The following ZC3HAV1 variants were observed in gnomAD, a reference collection of about 807,000 sequenced individuals.
ZC3HAV1 encodes the protein zinc finger CCCH-type containing, antiviral 1.
In ZC3HAV1, 41 loss-of-function variants were observed where a neutral mutation model predicts 86.6. That is an observed-to-expected ratio of 0.47 (90% confidence interval 0.37 to 0.61). ZC3HAV1 has a LOEUF of 0.61. Ranked by LOEUF, ZC3HAV1 falls within the 20% of genes least tolerant of loss-of-function variation. ZC3HAV1 has a pLI of 0.00. For synonymous variants in ZC3HAV1, 421 were observed against 432.1 expected (o/e 0.97, Z 0.32); for missense variants, 964 against 1,141.1 (o/e 0.84, Z 2.24).
chr7:139,072,436 C>T (rs567464566), intron 7 of ZC3HAV1, among the ~76,000 whole-genome samples: 1,659 of 152,284 alleles, frequency 0.011, 29 homozygotes, highest in African/African-American at 0.038. Flanking sequence ...TCCACCCCAC[C>T]TCGGCCTCCC....
chr7:139,064,771 G>A (rs1816547789), intron 8 of ZC3HAV1, 108 bp downstream of exon 8: 2 of 1,557,824 alleles, frequency 1.3e-6, no homozygotes, highest in South Asian at 2.3e-5. Flanking sequence ...GCTAAATCTT[G>A]ACCTTGACCC....
Position 139,079,647 on chromosome 7 carries a change from C to A in ZC3HAV1, c.1294G>T (p.Ala432Ser). 1.9e-6 allele frequency: 3 copies of A among 1,614,154 alleles called. No individual in the cohort carries two copies. Among genetic ancestry groups the A allele is most frequent in the Non-Finnish European group, 2.5e-6 (3 of 1,180,034 alleles). ...IQPGPLFNNN[A>S]DGVATDITST... Reference sequence around the variant, plus strand: ...GTTATATCTGTGGCCACTCCATCAGCATTATTATTAAAAAGAGGGCCAGGC... The same window carrying A: ...GTTATATCTGTGGCCACTCCATCAGAATTATTATTAAAAAGAGGGCCAGGC... The change falls in exon 4 of 13, where the codon GCT becomes TCT. Residue 432 changes from alanine to serine, a missense_variant. By Grantham distance (99) the Ala-to-Ser change is moderately conservative (BLOSUM62 1). Coordinates refer to ENST00000242351, the MANE Select transcript of ZC3HAV1 (RefSeq NM_020119.4).
chr7:139,073,128 T>G (rs1417300012), intron 7 of ZC3HAV1, among the ~76,000 whole-genome samples: 3 of 151,970 alleles, frequency 2.0e-5, no homozygotes, highest in Non-Finnish European at 4.4e-5. Flanking sequence ...AAACCCCATG[T>G]CTACTAAAAA....
At chr7:139,071,660 C>T (rs959611464) in intron 7 of ZC3HAV1, among the ~76,000 whole-genome samples, 1 of 152,084 alleles carries the variant, frequency 6.6e-6, no homozygotes, top group Admixed American at 6.6e-5. Context: ...TTTTCACACA[C>T]ACGGGAGTTT....
chr7:139,068,026 T>TC (rs1816656933), intron 7 of ZC3HAV1, among the ~76,000 whole-genome samples: 42 of 48,422 alleles, frequency 8.7e-4, no homozygotes, highest in African/African-American at 3.8e-4. Context: ...TTTCTTTCTT[T>TC]ATTATTATTA....
intron 3 of ZC3HAV1, among the ~76,000 whole-genome samples, chr7:139,083,440 C>A (rs1817183901): frequency 6.6e-6 from 1 of 152,090 alleles, no homozygotes; most frequent in African/African-American, 2.4e-5. Context: ...TGAAAGTTCA[C>A]ACAATTGGCC....
At chr7:139,076,939 C>T (rs866162622) in intron 5 of ZC3HAV1, among the ~76,000 whole-genome samples, 2 of 151,812 alleles carry the variant, frequency 1.3e-5, no homozygotes, top group African/African-American at 4.8e-5. Context: ...CCCACTGCCC[C>T]CAAAGTCACT....
intron 11 of ZC3HAV1, 58 bp downstream of exon 11, chr7:139,053,904 ACGG>A: frequency 6.4e-7 from 1 of 1,558,260 alleles, no homozygotes; most frequent in South Asian, 1.2e-5. Flanking sequence ...ATCTCAAAGG[ACGG>A]ATATTAACTA....
At chr7:139,075,195 C>A (rs537163534) in intron 6 of ZC3HAV1, among the ~76,000 whole-genome samples, 2 of 152,178 alleles carry the variant, frequency 1.3e-5, no homozygotes, top group South Asian at 4.2e-4. Flanking sequence ...TGCCTGGGAG[C>A]GGAAATATAG....
intron 12 of ZC3HAV1, among the ~76,000 whole-genome samples, chr7:139,052,823 A>G (rs1345245652): frequency 6.6e-6 from 1 of 151,338 alleles, no homozygotes; most frequent in Non-Finnish European, 1.5e-5. Flanking sequence ...CAGTTACTTG[A>G]GGGGCTGAAG....
chr7:139,100,015 A>C (rs1401819054), intron 1 of ZC3HAV1, among the ~76,000 whole-genome samples: 1 of 152,016 alleles, frequency 6.6e-6, no homozygotes, highest in Non-Finnish European at 1.5e-5. Context: ...AACAAAAAAT[A>C]AATACTTTAT....
chr7:139,106,443 T>G (rs1468978871), intron 1 of ZC3HAV1, among the ~76,000 whole-genome samples: 1 of 151,972 alleles, frequency 6.6e-6, no homozygotes, highest in Non-Finnish European at 1.5e-5. Context: ...CGAAACCCCA[T>G]CTCTACTAAA....
At chr7:139,047,929 G>A in intron 12 of ZC3HAV1, 76 bp from the exon 13 acceptor site, 2 of 1,448,452 alleles carry the variant, frequency 1.4e-6, no homozygotes, top group Admixed American at 2.1e-5. Flanking sequence ...GTTATATACA[G>A]TCAGATGGGT....
Position 139,109,608 on chromosome 7 carries a change from A to C in ZC3HAV1, c.-277T>G. 1 of 387,222 alleles carries C rather than the reference A, an allele frequency of 2.6e-6. No homozygotes were observed. The highest frequency in any genetic ancestry group is 2.1e-5 in the African/African-American group (1 of 47,752). 24.0% of individuals were successfully genotyped at this position (387,222 alleles called of 1,614,324 possible). On this transcript the variant is annotated 5_prime_UTR_variant, in exon 1 of 13. Coordinates refer to ENST00000242351, the MANE Select transcript of ZC3HAV1 (RefSeq NM_020119.4). ...GTGGAAAGAAAGAGAACGCGCGGGC[A>C]AATCTGCTGGTGACCGCCTGGGGTG... is the stretch of plus-strand genomic sequence containing the variant.
intron 9 of ZC3HAV1, among the ~76,000 whole-genome samples, chr7:139,059,588 A>G (rs1816386762): frequency 6.6e-6 from 1 of 151,294 alleles, no homozygotes; most frequent in African/African-American, 2.4e-5. Context: ...CTACACTCCA[A>G]CCTGGGTGAC....
rs372213551 is a variant in ZC3HAV1 at position 139,083,720 on chromosome 7, C to CT, written c.697+59dup. 1,020 of 1,447,942 alleles carry CT rather than the reference C, an allele frequency of 7.0e-4. 1 individual carries two copies. Among genetic ancestry groups the CT allele is most frequent in the Middle Eastern group, 1.2e-3 (6 of 5,140 alleles). The allele number at this position is 1,447,942 out of a possible 1,614,324, so 89.7% of individuals were successfully genotyped here. On this transcript the variant is annotated intron_variant, in intron 3 of 12. Coordinates refer to ENST00000242351, the MANE Select transcript of ZC3HAV1 (RefSeq NM_020119.4). Reference sequence around the variant, plus strand: ...CCAGCTTGGGTGACAGAGAGAGACTCTGTCTCAAAAAAAAAAAAAAAAAAA... The same window carrying CT: ...CCAGCTTGGGTGACAGAGAGAGACTCTTGTCTCAAAAAAAAAAAAAAAAAAA...
intron 5 of ZC3HAV1, among the ~76,000 whole-genome samples, chr7:139,077,009 A>C (rs1816972445): frequency 7.4e-6 from 1 of 135,544 alleles, no homozygotes; most frequent in African/African-American, 3.1e-5. Context: ...CACCCCCCCA[A>C]GTGTATGAAG....
In ZC3HAV1 at chr7:139,098,052, C is replaced by A. The variant is rs145969460; in HGVS notation, c.309-8293G>T. Among the ~76,000 whole-genome samples, 1,218 of 152,094 alleles carry A rather than the reference C, an allele frequency of 8.0e-3. 20 individuals are homozygous for A. Among genetic ancestry groups the A allele is most frequent in the African/African-American group, 0.028 (1,161 of 41,444 alleles). Reference sequence around the variant, plus strand: ...CTCCACATCCTGGGTTCAAGAGATTCTCCTGCCTCAGCCTCCTGAGTAGCT... The same window carrying A: ...CTCCACATCCTGGGTTCAAGAGATTATCCTGCCTCAGCCTCCTGAGTAGCT... On this transcript the variant is annotated intron_variant, in intron 1 of 12. Transcript: ENST00000242351.
chr7:139,109,488 G>T lies in ZC3HAV1; in HGVS notation c.-157C>A. 2.2e-6 allele frequency: 2 copies of T among 921,480 alleles called. No homozygotes were observed. Among genetic ancestry groups the T allele is most frequent in the Non-Finnish European group, 3.1e-6 (2 of 636,762 alleles). 57.1% of individuals were successfully genotyped at this position (921,480 alleles called of 1,614,324 possible). A position where few individuals can be genotyped will look rare whatever the true frequency, so the allele number is the denominator to read the frequency against. ...CGCGCTCTCCGTCGCCGTTAGCCCAGCCCAGCGATCCACTCTCGGCTCTCA... is the reference window on the plus strand; with the variant it reads ...CGCGCTCTCCGTCGCCGTTAGCCCATCCCAGCGATCCACTCTCGGCTCTCA... On this transcript the variant is annotated 5_prime_UTR_variant, in exon 1 of 13. It adds an upstream start codon to the 5' untranslated region. Coordinates refer to ENST00000242351, the MANE Select transcript of ZC3HAV1 (RefSeq NM_020119.4).
Sources: allele counts gnomAD v4.1 joint callset (sites outside exome capture counted in the v4.1 genomes callset), GRCh38; gene constraint gnomAD v4.1.1; transcripts MANE v1.5; gene names NCBI Gene and HGNC (gene_info 2026-07-23, HGNC 2026-07-21).